Variants in FGF12 observed in about 807,000 individuals in gnomAD.
FGF12 encodes fibroblast growth factor 12B.
A neutral mutation model predicts 23.6 loss-of-function variants in FGF12; 14 were observed. The observed-to-expected ratio is 0.59, with a 90% CI of 0.39 to 0.93. The LOEUF (loss-of-function observed/expected upper bound fraction) is 0.93, where lower values mean the gene tolerates loss of function less well. FGF12 is among the 40% of genes least tolerant of loss of function. FGF12 has a pLI of 0.00. For missense variants in FGF12, 175 were observed against 217.8 expected (o/e 0.80, Z 1.24); for synonymous variants, 62 against 77.3 (o/e 0.80, Z 1.04).
intron 4 of FGF12, among the ~76,000 whole-genome samples, chr3:192,287,483 T>C (rs1714518963): frequency 6.6e-6 from 1 of 152,058 alleles, no homozygotes; most frequent in Non-Finnish European, 1.5e-5. Context: ...ATCTGGTCTG[T>C]TGCATCAAAG....
chr3:192,696,717 T>C (rs1286492080), intron 2 of FGF12, among the ~76,000 whole-genome samples: 1 of 152,050 alleles, frequency 6.6e-6, no homozygotes, highest in Non-Finnish European at 1.5e-5. Context: ...TTTATAGCAA[T>C]GTTCTTAAAC....
chr3:192,644,802 C>T (rs1196755380), intron 2 of FGF12, among the ~76,000 whole-genome samples: 1 of 152,126 alleles, frequency 6.6e-6, no homozygotes, highest in Non-Finnish European at 1.5e-5. Context: ...TCTAGTGTTA[C>T]AGATCGCTAT....
At chr3:192,692,562 AGGTGTGGT>A (rs1223181773) in intron 2 of FGF12, among the ~76,000 whole-genome samples, 3 of 151,792 alleles carry the variant, frequency 2.0e-5, no homozygotes, top group Non-Finnish European at 4.4e-5. Flanking sequence ...AAAATTAGCC[AGGTGTGGT>A]GGTGTGGTTC....
chr3:192,296,058 CTTTCTTTT>C (rs1302376643), intron 4 of FGF12, among the ~76,000 whole-genome samples: 2 of 109,452 alleles, frequency 1.8e-5, no homozygotes, highest in African/African-American at 6.7e-5. Flanking sequence ...CTTTGTTTTT[CTTTCTTTT>C]TTTTTTTTTT....
intron 4 of FGF12, among the ~76,000 whole-genome samples, chr3:192,258,459 A>T (rs1227088059): frequency 1.3e-5 from 2 of 152,180 alleles, no homozygotes; most frequent in Non-Finnish European, 2.9e-5. Context: ...CCTTTCTCAA[A>T]AAATAAATAA....
At chr3:192,520,189 C>T (rs919081047) in intron 2 of FGF12, among the ~76,000 whole-genome samples, 26 of 152,102 alleles carry the variant, frequency 1.7e-4, no homozygotes, top group East Asian at 1.9e-4. Flanking sequence ...ACATTTCTAT[C>T]GGTATATCTT....
At chr3:192,283,908 G>T (rs1714297382) in intron 4 of FGF12, among the ~76,000 whole-genome samples, 1 of 152,012 alleles carries the variant, frequency 6.6e-6, no homozygotes, top group African/African-American at 2.4e-5. Context: ...ACACATAAAA[G>T]CCTGAAATTC....
At chr3:192,477,422 A>G (rs1723357790) in intron 2 of FGF12, among the ~76,000 whole-genome samples, 1 of 152,190 alleles carries the variant, frequency 6.6e-6, no homozygotes, top group African/African-American at 2.4e-5. Context: ...CCCAATAACA[A>G]GAAAAATTCT....
chr3:192,182,375 T>C (rs1306927215), intron 4 of FGF12, among the ~76,000 whole-genome samples: 1 of 152,208 alleles, frequency 6.6e-6, no homozygotes, highest in Non-Finnish European at 1.5e-5. Context: ...AGGGTTTTAT[T>C]TCAAATCTTA....
chr3:192,562,431 T>C (rs1444056690), intron 2 of FGF12, among the ~76,000 whole-genome samples: 1 of 152,198 alleles, frequency 6.6e-6, no homozygotes, highest in Admixed American at 6.5e-5. Flanking sequence ...GTATTTTTAC[T>C]TCATAAATGC....
At chr3:192,363,761 A>G (rs947532790) in intron 2 of FGF12, among the ~76,000 whole-genome samples, 6 of 152,140 alleles carry the variant, frequency 3.9e-5, no homozygotes, top group Non-Finnish European at 8.8e-5. Flanking sequence ...GAAAACCAGA[A>G]CATGTTTTGC....
At chr3:192,394,642 G>A (rs1334922504) in intron 2 of FGF12, among the ~76,000 whole-genome samples, 1 of 151,986 alleles carries the variant, frequency 6.6e-6, no homozygotes, top group Non-Finnish European at 1.5e-5. Context: ...CTTCCCCAAG[G>A]TCACCAGGAC....
chr3:192,207,334 T>C (rs750140429), intron 4 of FGF12, among the ~76,000 whole-genome samples: 2 of 152,164 alleles, frequency 1.3e-5, no homozygotes, highest in African/African-American at 2.4e-5. Flanking sequence ...ATAATTACAA[T>C]AAAATGTAAT....
At chr3:192,567,391 AT>A (rs1186152521) in intron 2 of FGF12, among the ~76,000 whole-genome samples, 1 of 151,898 alleles carries the variant, frequency 6.6e-6, no homozygotes, top group Admixed American at 6.6e-5. Flanking sequence ...AAAGGGCTTT[AT>A]TTTTTTAAGT....
At chr3:192,447,219 A>C (rs965855396) in intron 2 of FGF12, among the ~76,000 whole-genome samples, 4 of 152,172 alleles carry the variant, frequency 2.6e-5, no homozygotes, top group Non-Finnish European at 2.9e-5. Flanking sequence ...CTGTTTAATG[A>C]ATTAACAACA....
At chr3:192,665,270 CA>C (rs1398729650) in intron 2 of FGF12, among the ~76,000 whole-genome samples, 1 of 152,118 alleles carries the variant, frequency 6.6e-6, no homozygotes, top group East Asian at 1.9e-4. Flanking sequence ...TCAACTTCAT[CA>C]TGGTTCATGG....
At chr3:192,620,088 T>A (rs1212969613) in intron 2 of FGF12, among the ~76,000 whole-genome samples, 1 of 151,902 alleles carries the variant, frequency 6.6e-6, no homozygotes, top group Admixed American at 6.6e-5. Context: ...ACAACACAGG[T>A]TCACTCCCAT....
chr3:192,444,854 G>A (rs1722304995), intron 2 of FGF12, among the ~76,000 whole-genome samples: 1 of 152,240 alleles, frequency 6.6e-6, no homozygotes, highest in South Asian at 2.1e-4. Context: ...CTATCTTAGG[G>A]ATTCTCTGAG....
intron 2 of FGF12, among the ~76,000 whole-genome samples, chr3:192,556,694 C>G (rs1419279988): frequency 6.6e-6 from 1 of 152,114 alleles, no homozygotes; most frequent in Non-Finnish European, 1.5e-5. Flanking sequence ...AAGAAACATT[C>G]TACAGCAGAA....
Sources: allele counts gnomAD v4.1 joint callset (sites outside exome capture counted in the v4.1 genomes callset), GRCh38; gene constraint gnomAD v4.1.1; transcripts MANE v1.5; gene names NCBI Gene and HGNC (gene_info 2026-07-23, HGNC 2026-07-21).